Variants in NLGN1 observed in about 807,000 individuals in gnomAD.
NLGN1 encodes the protein neuroligin-1.
A neutral mutation model predicts 65.5 loss-of-function variants in NLGN1; 12 were observed. The observed-to-expected ratio is 0.18, with a 90% CI of 0.12 to 0.30. NLGN1 has a LOEUF of 0.30. Ranked by LOEUF, NLGN1 falls within the 10% of genes least tolerant of loss-of-function variation. The pLI, the probability that NLGN1 is intolerant of heterozygous loss-of-function variation, is 1.00. For synonymous variants in NLGN1, 350 were observed against 359.5 expected (o/e 0.97, Z 0.30); for missense variants, 750 against 1,007.1 (o/e 0.74, Z 3.46).
intron 2 of NLGN1, among the ~76,000 whole-genome samples, chr3:173,514,070 G>A (rs895156173): frequency 3.9e-5 from 6 of 152,082 alleles, no homozygotes; most frequent in Non-Finnish European, 8.8e-5. Context: ...GTTACTCACT[G>A]CCCTTCTAAA....
intron 4 of NLGN1, among the ~76,000 whole-genome samples, chr3:174,008,875 G>T (rs1197029474): frequency 6.6e-6 from 1 of 151,630 alleles, no homozygotes; most frequent in African/African-American, 2.4e-5. Context: ...TTATTGATTT[G>T]ATTTCATTCA....
At chr3:174,109,283 T>C (rs2152611106) in intron 4 of NLGN1, among the ~76,000 whole-genome samples, 1 of 152,184 alleles carries the variant, frequency 6.6e-6, no homozygotes, top group African/African-American at 2.4e-5. Flanking sequence ...AAGTTCCTTT[T>C]CCTTCAGTTT....
rs2152561850 is a variant in NLGN1 at position 174,088,640 on chromosome 3, C to T, written c.647-186675C>T. 4.0e-5 allele frequency among the ~76,000 whole-genome samples: 6 copies of T among 151,838 alleles called. No homozygotes were observed. The Middle Eastern group carries it at 0.017, about 436-fold the overall frequency. On this transcript the variant is annotated intron_variant, in intron 4 of 6. Transcript: ENST00000457714. ...CGGTGGCAGGTGCCTGTAGTCCCAG[C>T]TACTCGGGAGGCTGAGGCAGGAGAA...
At chr3:174,041,609 T>TGTG (rs1732327434) in intron 4 of NLGN1, among the ~76,000 whole-genome samples, 2 of 152,150 alleles carry the variant, frequency 1.3e-5, no homozygotes, top group Non-Finnish European at 2.9e-5. Context: ...CAAAATTTGG[T>TGTG]GTGGTCAGTC....
intron 3 of NLGN1, among the ~76,000 whole-genome samples, chr3:173,703,663 A>G (rs1429158502): frequency 6.6e-6 from 1 of 152,204 alleles, no homozygotes; most frequent in Non-Finnish European, 1.5e-5. Context: ...TTTAATATCA[A>G]AGTTAAATGT....
At chr3:174,034,503 A>G (rs1347335257) in intron 4 of NLGN1, among the ~76,000 whole-genome samples, 1 of 152,108 alleles carries the variant, frequency 6.6e-6, no homozygotes, top group Non-Finnish European at 1.5e-5. Context: ...TGATTATAGT[A>G]CATGGATAAG....
intron 3 of NLGN1, among the ~76,000 whole-genome samples, chr3:173,629,570 TTGAA>T (rs1755354473): frequency 6.6e-6 from 1 of 152,184 alleles, no homozygotes; most frequent in Non-Finnish European, 1.5e-5. Flanking sequence ...TAAGTTATAT[TTGAA>T]TGAAGATCTA....
chr3:174,047,330 C>G (rs181871084), intron 4 of NLGN1, among the ~76,000 whole-genome samples: 1 of 152,068 alleles, frequency 6.6e-6, no homozygotes, highest in East Asian at 1.9e-4. Context: ...CCTAGGATTA[C>G]ATATCTATTC....
intron 4 of NLGN1, among the ~76,000 whole-genome samples, chr3:173,835,689 A>AT (rs1262263600): frequency 6.6e-6 from 1 of 151,906 alleles, no homozygotes; most frequent in Non-Finnish European, 1.5e-5. Context: ...TATAAAACTC[A>AT]AAGTTTTAAA....
intron 3 of NLGN1, among the ~76,000 whole-genome samples, chr3:173,775,512 A>G (rs1780180172): frequency 6.6e-6 from 1 of 151,926 alleles, no homozygotes; most frequent in Admixed American, 6.6e-5. Flanking sequence ...TGCCTCCTGC[A>G]TGAGATTCTT....
chr3:174,148,749 T>A (rs1255621343), intron 4 of NLGN1, among the ~76,000 whole-genome samples: 1 of 152,192 alleles, frequency 6.6e-6, no homozygotes, highest in African/African-American at 2.4e-5. Context: ...GTGTGATTTC[T>A]TTCCTTCATA....
chr3:174,271,022 A>G (rs955876786), intron 4 of NLGN1, among the ~76,000 whole-genome samples: 2 of 151,786 alleles, frequency 1.3e-5, no homozygotes, highest in Non-Finnish European at 3.0e-5. Context: ...TGAAATACTT[A>G]GCAATGTGAC....
chr3:173,785,632 T>G (rs1252138005), intron 3 of NLGN1, among the ~76,000 whole-genome samples: 2 of 152,112 alleles, frequency 1.3e-5, no homozygotes, highest in East Asian at 3.8e-4. Flanking sequence ...TACATAGATA[T>G]TTTAATGGCA....
chr3:173,566,905 T>C (rs1001517773), intron 2 of NLGN1, among the ~76,000 whole-genome samples: 2 of 152,138 alleles, frequency 1.3e-5, no homozygotes, highest in Non-Finnish European at 2.9e-5. Flanking sequence ...TTGAAAACTT[T>C]AGAAAGGGAG....
intron 3 of NLGN1, among the ~76,000 whole-genome samples, chr3:173,712,749 A>C (rs1769183984): frequency 6.6e-6 from 1 of 152,186 alleles, no homozygotes; most frequent in Admixed American, 6.6e-5. Flanking sequence ...AAATCCTTAT[A>C]TATAAGTGCA....
chr3:173,758,858 A>C lies in NLGN1; in HGVS notation c.494-48822A>C, dbSNP rs374937854. On this transcript the variant is annotated intron_variant, in intron 3 of 6. Transcript: ENST00000457714. ...ATTTTTCCTTCCTAGGGAACTGGAAATAACCCTTAATCAGTGTGGCTAAAG... is the reference window on the plus strand; with the variant it reads ...ATTTTTCCTTCCTAGGGAACTGGAACTAACCCTTAATCAGTGTGGCTAAAG... Among the ~76,000 whole-genome samples, 15 of 152,126 alleles carry C rather than the reference A, an allele frequency of 9.9e-5. No homozygotes were observed. The South Asian group carries it at 2.9e-3, about 29-fold the overall frequency.
intron 4 of NLGN1, among the ~76,000 whole-genome samples, chr3:173,990,256 G>A (rs1720821484): frequency 1.3e-5 from 2 of 152,192 alleles, no homozygotes; most frequent in Middle Eastern, 3.4e-3. Flanking sequence ...AGGGTGCTAG[G>A]CAACCTCACC....
intron 1 of NLGN1, among the ~76,000 whole-genome samples, chr3:173,434,562 T>C (rs987846948): frequency 2.0e-5 from 3 of 152,204 alleles, no homozygotes; most frequent in Non-Finnish European, 4.4e-5. Context: ...CAGGACATCA[T>C]GTAGTTGGAG....
At chr3:174,145,196 G>T (rs149330354) in intron 4 of NLGN1, among the ~76,000 whole-genome samples, 1 of 152,100 alleles carries the variant, frequency 6.6e-6, no homozygotes, top group African/African-American at 2.4e-5. Flanking sequence ...TACCTATTTT[G>T]TATTTACAGA....
Sources: allele counts gnomAD v4.1 joint callset (sites outside exome capture counted in the v4.1 genomes callset), GRCh38; gene constraint gnomAD v4.1.1; transcripts MANE v1.5; gene names NCBI Gene and HGNC (gene_info 2026-07-23, HGNC 2026-07-21).